Variants in RIC1 observed in about 807,000 individuals in gnomAD.
The protein encoded by RIC1 is guanine nucleotide exchange factor subunit RIC1.
Under a neutral mutation model 169.0 loss-of-function variants are expected in RIC1, and 88 were observed. The ratio of observed to expected loss-of-function variants is 0.52; its 90% confidence interval spans 0.44 to 0.62. The LOEUF (loss-of-function observed/expected upper bound fraction) is 0.62. Ranked by LOEUF, RIC1 falls within the 20% of genes least tolerant of loss-of-function variation. The pLI, the probability that RIC1 is intolerant of heterozygous loss-of-function variation, is 0.00. For synonymous variants in RIC1, 790 were observed against 601.5 expected, an observed-to-expected ratio of 1.31 and a Z score of -4.59; for missense variants, 1,877 against 1,725.5, an observed-to-expected ratio of 1.09 and a Z score of -1.56.
chr9:5,686,878 T>C (rs1029190266), intron 2 of RIC1, among the ~76,000 whole-genome samples: 2 of 152,174 alleles, frequency 1.3e-5, no homozygotes, highest in African/African-American at 4.8e-5. Context: ...TAGGAAGTGG[T>C]TCCTTCTCTT....
downstream of RIC1, among the ~76,000 whole-genome samples, chr9:5,777,488 C>A (rs952788178): frequency 6.6e-6 from 1 of 151,686 alleles, no homozygotes; most frequent in African/African-American, 2.4e-5. Flanking sequence ...TACAATCACA[C>A]GGACTCTGAA....
chr9:5,671,000 G>A (rs1820057746), intron 2 of RIC1, among the ~76,000 whole-genome samples: 1 of 152,098 alleles, frequency 6.6e-6, no homozygotes, highest in Non-Finnish European at 1.5e-5. Context: ...CGTCAGAAAT[G>A]CAAAAACCTG....
intron 21 of RIC1, among the ~76,000 whole-genome samples, chr9:5,766,402 A>T (rs1004031674): frequency 1.1e-4 from 16 of 152,086 alleles, no homozygotes; most frequent in African/African-American, 3.6e-4. Flanking sequence ...TGGTTACATT[A>T]ATAAGTTATT....
intron 1 of RIC1, among the ~76,000 whole-genome samples, chr9:5,631,104 G>C (rs1292959394): frequency 6.6e-6 from 1 of 152,162 alleles, no homozygotes; most frequent in East Asian, 1.9e-4. Context: ...CCCCATAAGA[G>C]AAGCATAAAC....
chr9:5,666,278 G>A (rs1287457895), intron 2 of RIC1, among the ~76,000 whole-genome samples: 1 of 152,108 alleles, frequency 6.6e-6, no homozygotes, highest in Non-Finnish European at 1.5e-5. Flanking sequence ...TGATTTTTGT[G>A]TATTGATTTT....
Position 5,629,205 on chromosome 9 carries a change from C to T in RIC1, c.-105C>T, listed in dbSNP as rs1352222546. The T allele has an allele frequency of 2.4e-5, 29 of 1,195,570 alleles. No individual in the cohort carries two copies. The highest frequency in any genetic ancestry group is 3.2e-5 in the African/African-American group (2 of 62,500). The allele number at this position is 1,195,570 out of a possible 1,614,324, so 74.1% of individuals were successfully genotyped here. The stretch of plus-strand genomic sequence containing the variant: ...GGCAGATGCCCCGAGCTGCCGCCGC[C>T]GCCGCCGCCGACTCGGCCGGTGGCG... On this transcript the variant is annotated 5_prime_UTR_variant, in exon 1 of 26. Transcript: ENST00000414202.
chr9:5,658,076 A>G (rs578073230), intron 2 of RIC1, among the ~76,000 whole-genome samples: 1 of 152,114 alleles, frequency 6.6e-6, no homozygotes, highest in African/African-American at 2.4e-5. Flanking sequence ...TTGTAACTTC[A>G]TAACATTTCA....
chr9:5,670,864 G>A (rs1275693591), intron 2 of RIC1, among the ~76,000 whole-genome samples: 3 of 152,142 alleles, frequency 2.0e-5, no homozygotes, highest in Non-Finnish European at 4.4e-5. Flanking sequence ...GTGGGGCAGG[G>A]AATGGGTGCT....
chr9:5,713,378 C>T (rs1823050631), intron 3 of RIC1: 1 of 152,392 alleles, frequency 6.6e-6, no homozygotes, highest in Admixed American at 6.5e-5. Context: ...TATTTAGCTA[C>T]TTATTACTAA....
rs59648906 is a variant in RIC1, at chr9:5,673,535, G to GATATATATATAT, written c.253-16412_253-16401dup. On this transcript the variant is annotated intron_variant, in intron 2 of 25. Coordinates refer to ENST00000414202, the MANE Select transcript of RIC1 (RefSeq NM_020829.4). ...ATATATATGCACCAAAACATAAGGAGATATATATATATATATATATATAAA... is the reference window on the plus strand; with the variant it reads ...ATATATATGCACCAAAACATAAGGAGATATATATATATATATATATATATATATATATATAAA... Among the ~76,000 whole-genome samples the GATATATATATAT allele has an allele frequency of 1.1e-3, 127 of 119,284 alleles. 5 individuals are homozygous for GATATATATATAT. Among genetic ancestry groups the GATATATATATAT allele is most frequent in the African/African-American group, 2.1e-3 (57 of 27,588 alleles). The allele number at this position is 119,284 out of a possible 152,430, so 78.3% of individuals were successfully genotyped here.
At position 5,769,096 on chromosome 9, in the gene RIC1, T is replaced by G. The variant is rs373489201; in HGVS notation, c.3264T>G (p.Phe1088Leu). 2.5e-6 allele frequency: 4 copies of G among 1,614,018 alleles called. No homozygotes were observed. The highest frequency in any genetic ancestry group is 3.4e-6 in the Non-Finnish European group (4 of 1,179,992). ...DLGCFAAQLGFELISWLCKER... is the reference protein window; with the variant it reads ...DLGCFAAQLGLELISWLCKER... ...GCTGCTTTGCAGCCCAGCTGGGCTTTGAACTAATTAGTTGGCTATGCAAGG... is the reference window on the plus strand; with the variant it reads ...GCTGCTTTGCAGCCCAGCTGGGCTTGGAACTAATTAGTTGGCTATGCAAGG... The change falls in exon 22 of 26, where the codon TTT (phenylalanine) becomes TTG (leucine). Residue 1088 changes from phenylalanine to leucine, a missense_variant. Transcript: ENST00000414202.
intron 9 of RIC1, among the ~76,000 whole-genome samples, chr9:5,743,331 A>G (rs1377858522): frequency 6.6e-6 from 1 of 152,184 alleles, no homozygotes; most frequent in Admixed American, 6.6e-5. Flanking sequence ...AGGCATGTAC[A>G]TAAATAGTAG....
intron 2 of RIC1, among the ~76,000 whole-genome samples, chr9:5,683,621 G>T (rs187777597): frequency 4.6e-5 from 7 of 152,174 alleles, no homozygotes; most frequent in East Asian, 1.9e-4. Context: ...GCAGTCTGCC[G>T]GTTCTCAGAT....
At position 5,747,340 on chromosome 9, in the gene RIC1, C is replaced by A; in HGVS notation, c.1287C>A (p.Arg429=). Residue 429 remains arginine, a synonymous_variant, in exon 12 of 26, where the codon CGC becomes CGA. Transcript: ENST00000414202. ...QEQVLLQGED[R]LYLNCGEASQ... is the part of the protein sequence containing the mutation. ...AGGTGTTGCTTCAGGGTGAGGATCG[C>A]TTGTACTTGAACTGTGGAGAGGCTT... 1 of 1,614,068 alleles carries A rather than the reference C, an allele frequency of 6.2e-7. No individual in the cohort carries two copies. Among genetic ancestry groups the A allele is most frequent in the Non-Finnish European group, 8.5e-7 (1 of 1,179,934 alleles).
intron 3 of RIC1, among the ~76,000 whole-genome samples, chr9:5,697,124 AC>A (rs1821950625): frequency 6.6e-6 from 1 of 152,126 alleles, no homozygotes; most frequent in African/African-American, 2.4e-5. Context: ...GACTCGGGAA[AC>A]CCCTGCAGGT....
At chr9:5,766,489 C>T (rs1826765398) in intron 21 of RIC1, among the ~76,000 whole-genome samples, 1 of 152,022 alleles carries the variant, frequency 6.6e-6, no homozygotes, top group Non-Finnish European at 1.5e-5. Context: ...GTCTTTTATC[C>T]CTCACCCCCT....
intron 2 of RIC1, among the ~76,000 whole-genome samples, chr9:5,680,068 C>CA (rs1282558812): frequency 2.6e-5 from 4 of 152,148 alleles, no homozygotes; most frequent in African/African-American, 9.7e-5. Flanking sequence ...TGAATTTTGT[C>CA]AAAGGCCTTT....
chr9:5,686,020 G>GA (rs1252003689), intron 2 of RIC1, among the ~76,000 whole-genome samples: 30 of 152,078 alleles, frequency 2.0e-4, no homozygotes, highest in African/African-American at 7.2e-4. Flanking sequence ...AAAAACACAT[G>GA]AAAAAATGCT....
chr9:5,689,207 C>G (rs949528617), intron 2 of RIC1, among the ~76,000 whole-genome samples: 1 of 151,834 alleles, frequency 6.6e-6, no homozygotes, highest in Admixed American at 6.6e-5. Context: ...TGCCACCACG[C>G]CCGGCTAATT....
Sources: gnomAD v4.1 joint callset for allele counts (sites outside exome capture counted in the v4.1 genomes callset) on GRCh38, gnomAD v4.1.1 for gene constraint, MANE v1.5 for transcripts, NCBI Gene and HGNC (gene_info 2026-07-23, HGNC 2026-07-21) for gene names.